The following SEPTIN2 variants were observed in gnomAD, a reference collection of about 807,000 sequenced individuals.
The protein encoded by SEPTIN2 is septin-2.
In SEPTIN2, 34 loss-of-function variants were observed where a neutral mutation model predicts 46.5. The ratio of observed to expected loss-of-function variants is 0.73; its 90% CI spans 0.56 to 0.97. SEPTIN2 has a LOEUF of 0.97. Among genes scored for constraint, SEPTIN2 ranks in the 50% least tolerant of loss-of-function variants. The pLI is 0.00. For missense variants in SEPTIN2, 347 were observed against 448.4 expected, an observed-to-expected ratio of 0.77 and a Z score of 2.04; for synonymous variants, 175 against 153.4, an observed-to-expected ratio of 1.14 and a Z score of -1.04.
In SEPTIN2 at chr2:241,352,492, C is replaced by T. The variant is rs936192527; in HGVS notation, c.*555C>T. 7.8e-4 allele frequency: 119 copies of T among 152,728 alleles called. 1 individual carries two copies. Among genetic ancestry groups the T allele is most frequent in the African/African-American group, 2.5e-3 (104 of 41,558 alleles). 9.5% of individuals were successfully genotyped at this position (152,728 alleles called of 1,614,324 possible). A position where few individuals can be genotyped will look rare whatever the true frequency, so the allele number is the denominator to read the frequency against. On this transcript the variant is annotated 3_prime_UTR_variant, in exon 13 of 13. Transcript: ENST00000391971. ...TAAAACCAGTTTTGCTGCTATAATT[C>T]TATACTGTTGATTCGTCTGCGATTT... is the stretch of plus-strand genomic sequence containing the variant.
intron 2 of SEPTIN2, chr2:241,324,621 G>C (rs2077648518): frequency 6.6e-6 from 2 of 303,234 alleles, no homozygotes; most frequent in Non-Finnish European, 1.3e-5. Flanking sequence ...TGTTGACCTC[G>C]TGATCCACCC....
At chr2:241,321,513 C>T (rs934277243) in intron 1 of SEPTIN2, among the ~76,000 whole-genome samples, 4 of 152,062 alleles carry the variant, frequency 2.6e-5, no homozygotes, top group Admixed American at 2.0e-4. Flanking sequence ...TTATTTTCAG[C>T]CTCTCTTTGT....
At chr2:241,318,134 AG>A (rs1363327065) in intron 1 of SEPTIN2, 1 of 148,344 alleles carries the variant, frequency 6.7e-6, no homozygotes, top group Non-Finnish European at 1.5e-5. Context: ...AAAAAAAAAC[AG>A]GAAAAAAAAA....
intron 11 of SEPTIN2, among the ~76,000 whole-genome samples, chr2:241,349,371 T>TAA (rs569301265): frequency 7.2e-4 from 85 of 117,284 alleles, no homozygotes; most frequent in African/African-American, 2.1e-3. Context: ...CCCATCCCTT[T>TAA]AAAAAAAAAA....
chr2:241,338,010 C>T (rs1448613202), intron 7 of SEPTIN2, among the ~76,000 whole-genome samples: 1 of 152,054 alleles, frequency 6.6e-6, no homozygotes, highest in South Asian at 2.1e-4. Context: ...TTAAATTCTC[C>T]TTATATTTAA....
intron 7 of SEPTIN2, among the ~76,000 whole-genome samples, chr2:241,340,102 A>G (rs1237270664): frequency 6.6e-6 from 1 of 152,220 alleles, no homozygotes; most frequent in Non-Finnish European, 1.5e-5. Flanking sequence ...GCTCTAAAGT[A>G]AGTTTGTAAC....
chr2:241,319,682 C>T (rs568917668), intron 1 of SEPTIN2, among the ~76,000 whole-genome samples: 3 of 152,210 alleles, frequency 2.0e-5, no homozygotes, highest in Non-Finnish European at 4.4e-5. Context: ...GCCTTCACCT[C>T]CTGGGCTCAA....
At chr2:241,318,844 G>A (rs1202227514) in intron 1 of SEPTIN2, among the ~76,000 whole-genome samples, 2 of 151,848 alleles carry the variant, frequency 1.3e-5, no homozygotes, top group African/African-American at 4.8e-5. Context: ...ATTACAGGCA[G>A]GCGCCACCAC....
At chr2:241,328,618 T>C (rs1036209425) in intron 3 of SEPTIN2, among the ~76,000 whole-genome samples, 2 of 151,486 alleles carry the variant, frequency 1.3e-5, no homozygotes, top group Admixed American at 6.6e-5. Context: ...GGCACATGCC[T>C]GTAATCCCAG....
rs1177662843 is a variant in SEPTIN2, at chr2:241,343,457, C to T, written c.697-295C>T. The stretch of plus-strand genomic sequence containing the variant: ...GAGGTTGCAGTGAGCCGAGATCGCG[C>T]CTCTGCACTCTAGCCTGGCGACAGA... On this transcript the variant is annotated intron_variant, in intron 8 of 12. Coordinates refer to ENST00000391971, the MANE Select transcript of SEPTIN2 (RefSeq NM_004404.5). 1.3e-5 allele frequency among the ~76,000 whole-genome samples: 2 copies of T among 152,090 alleles called. 1 individual carries two copies.
intron 7 of SEPTIN2, among the ~76,000 whole-genome samples, chr2:241,339,895 C>T (rs1157297319): frequency 2.0e-5 from 3 of 152,188 alleles, no homozygotes; most frequent in Non-Finnish European, 4.4e-5. Context: ...ACCCCTGACC[C>T]CAGGTCCTGA....
chr2:241,351,115 A>G (rs947901800), intron 12 of SEPTIN2, among the ~76,000 whole-genome samples: 1 of 152,112 alleles, frequency 6.6e-6, no homozygotes, highest in African/African-American at 2.4e-5. Flanking sequence ...TTCTGGAAGC[A>G]TGAGTGTGTT....
intron 3 of SEPTIN2, among the ~76,000 whole-genome samples, chr2:241,332,431 C>T (rs1187079351): frequency 2.6e-5 from 4 of 152,172 alleles, no homozygotes; most frequent in African/African-American, 9.7e-5. Context: ...GTGTCCACAT[C>T]TTTGGTGGTC....
intron 3 of SEPTIN2, among the ~76,000 whole-genome samples, chr2:241,332,973 A>G (rs59536819): frequency 0.11 from 17,034 of 152,300 alleles, 1,193 homozygotes; most frequent in Non-Finnish European, 0.15. Flanking sequence ...TGGAGAGGGT[A>G]GACTTCACAG....
intron 3 of SEPTIN2, among the ~76,000 whole-genome samples, chr2:241,329,587 C>T (rs1479045433): frequency 6.6e-6 from 1 of 152,196 alleles, no homozygotes; most frequent in Non-Finnish European, 1.5e-5. Flanking sequence ...GTTTCCTCAG[C>T]AAGGCCATTT....
In SEPTIN2 at chr2:241,342,718, A is replaced by T. The variant is rs576829712; in HGVS notation, c.595-274A>T. On this transcript the variant is annotated intron_variant, in intron 7 of 12. Coordinates refer to ENST00000391971, the MANE Select transcript of SEPTIN2 (RefSeq NM_004404.5). ...GCTTAGCTAATTTTTTTGTATTTTT[A>T]GTAGAGACAGGGTTTCACCATGTTA... is the stretch of plus-strand genomic sequence containing the variant. Among the ~76,000 whole-genome samples, 15 of 151,872 alleles carry T rather than the reference A, an allele frequency of 9.9e-5. 1 individual carries two copies. In the South Asian group the frequency reaches 3.1e-3, roughly 32 times the overall value.
At chr2:241,340,040 G>T (rs2081046562) in intron 7 of SEPTIN2, among the ~76,000 whole-genome samples, 1 of 152,190 alleles carries the variant, frequency 6.6e-6, no homozygotes, top group African/African-American at 2.4e-5. Flanking sequence ...TGAGCCAAAC[G>T]AATTCTTAGG....
intron 9 of SEPTIN2, 47 bp from the exon 10 acceptor site, chr2:241,346,111 TCATGAGAA>T: frequency 4.5e-6 from 6 of 1,320,154 alleles, no homozygotes; most frequent in Middle Eastern, 1.9e-4. Flanking sequence ...GTTTTTTTTC[TCATGAGAA>T]TGTCATGTGC....
chr2:241,324,139 G>A lies in SEPTIN2; in HGVS notation c.-17-77G>A, dbSNP rs13394915. The stretch of plus-strand genomic sequence containing the variant: ...GTAAGTCTTCTTCAGGTCAGTTCAC[G>A]CTGTTAAATATACGTGCGTATACAT... On this transcript the variant is annotated intron_variant, in intron 1 of 12. Coordinates refer to ENST00000391971, the MANE Select transcript of SEPTIN2 (RefSeq NM_004404.5). 2.7e-5 allele frequency: 37 copies of A among 1,361,066 alleles called. No homozygotes were observed. The African/African-American group carries it at 3.2e-4, about 12-fold the overall frequency. The allele number at this position is 1,361,066 out of a possible 1,614,324, so 84.3% of individuals were successfully genotyped here.
Sources: gnomAD v4.1 joint callset for allele counts (sites outside exome capture counted in the v4.1 genomes callset) on GRCh38, gnomAD v4.1.1 for gene constraint, MANE v1.5 for transcripts, NCBI Gene and HGNC (gene_info 2026-07-23, HGNC 2026-07-21) for gene names.